The following ZNF670 variants were observed in gnomAD, a reference collection of about 807,000 sequenced individuals.
ZNF670 encodes zinc finger protein 670.
In ZNF670, 7 loss-of-function variants were observed where a neutral mutation model predicts 10.9. That is an observed-to-expected ratio of 0.64 (90% CI 0.36 to 1.20). The LOEUF (loss-of-function observed/expected upper bound fraction) is 1.20, where lower values mean the gene tolerates loss of function less well. Ranked by LOEUF, ZNF670 falls within the 50% of genes most tolerant of loss-of-function variation. ZNF670 has a pLI of 0.02. For missense variants in ZNF670, 446 were observed against 458.6 expected (o/e 0.97, Z 0.25); for synonymous variants, 136 against 152.7 (o/e 0.89, Z 0.81).
Position 247,039,060 on chromosome 1 carries a change from C to CTTTTT in ZNF670, c.131-195_131-191dup, listed in dbSNP as rs3078762. Among the ~76,000 whole-genome samples the CTTTTT allele has an allele frequency of 7.2e-4, 90 of 125,626 alleles. 1 individual carries two copies. Among genetic ancestry groups the CTTTTT allele is most frequent in the Admixed American group, 2.3e-3 (28 of 12,078 alleles). 82.4% of individuals were successfully genotyped at this position (125,626 alleles called of 152,430 possible). On this transcript the variant is annotated intron_variant, in intron 2 of 3. Coordinates refer to ENST00000366503, the MANE Select transcript of ZNF670 (RefSeq NM_033213.5). Reference sequence around the variant, plus strand: ...TTCTTCTTTTCTTTTTTCTTTCTTTCTTTTTTTTTTTTTTTTGAGACAGAT... The same window carrying CTTTTT: ...TTCTTCTTTTCTTTTTTCTTTCTTTCTTTTTTTTTTTTTTTTTTTTTGAGACAGAT...
chr1:247,042,903 A>G, intron 1 of ZNF670: 1 of 665,638 alleles, frequency 1.5e-6, no homozygotes, highest in Non-Finnish European at 2.8e-6. Context: ...GTGATAAAGA[A>G]TTACTCCCAA....
chr1:247,037,746 T>A lies in ZNF670; in HGVS notation c.873A>T (p.Arg291Ser), dbSNP rs760582002. Reference sequence around the variant, plus strand: ...CATGGACTCTGAGGACTCTGGAACATCTAAAGGCTTTGCCACATTTTATAC... The same window carrying A: ...CATGGACTCTGAGGACTCTGGAACAACTAAAGGCTTTGCCACATTTTATAC... ...YECIKCGKAF[R>S]CSRVLRVHER... Residue 291 changes from arginine (R) to serine (S), a missense_variant, in exon 4 of 4, where the codon AGA becomes AGT. By Grantham distance (110) the Arg-to-Ser change is moderately radical. Coordinates refer to ENST00000366503, the MANE Select transcript of ZNF670 (RefSeq NM_033213.5). The A allele has an allele frequency of 5.6e-6, 9 of 1,613,950 alleles. No individual in the cohort carries two copies. The South Asian group carries it at 9.9e-5, about 18-fold the overall frequency.
In ZNF670 at chr1:247,078,767, C is replaced by T. The variant is rs1296026601; in HGVS notation, c.-171G>A. Reference sequence around the variant, plus strand: ...GCGCTGCCCAACACAAAAGCCGCGCCAGGTCCCGGAAGCTGCTCCCTCCTT... The same window carrying T: ...GCGCTGCCCAACACAAAAGCCGCGCTAGGTCCCGGAAGCTGCTCCCTCCTT... On this transcript the variant is annotated 5_prime_UTR_variant, in exon 1 of 4. Transcript: ENST00000366503. 2.6e-5 allele frequency: 18 copies of T among 685,046 alleles called. No homozygotes were observed. Among genetic ancestry groups the T allele is most frequent in the Non-Finnish European group, 2.9e-5 (12 of 410,200 alleles). 42.4% of individuals were successfully genotyped at this position (685,046 alleles called of 1,614,324 possible).
At position 247,049,098 on chromosome 1, in the gene ZNF670, CT is replaced by C. The variant is rs772486522; in HGVS notation, c.4-9562del. Among the ~76,000 whole-genome samples the C allele has an allele frequency of 3.8e-3, 469 of 124,534 alleles. 2 individuals carry two copies. Among genetic ancestry groups the C allele is most frequent in the African/African-American group, 9.6e-3 (303 of 31,614 alleles). The allele number at this position is 124,534 out of a possible 152,430, so 81.7% of individuals were successfully genotyped here. A position where few individuals can be genotyped will look rare whatever the true frequency, so the allele number is the denominator to read the frequency against. ...GTTTGTAATACCTCCTGTTTCATTT[CT>C]TTTTTTTTTTTTTTTTTGAGATGGA... On this transcript the variant is annotated intron_variant, in intron 1 of 3. Transcript: ENST00000366503.
chr1:247,076,357 C>T (rs922059832), intron 1 of ZNF670, among the ~76,000 whole-genome samples: 10 of 151,072 alleles, frequency 6.6e-5, no homozygotes, highest in Admixed American at 4.0e-4. Flanking sequence ...CCTAGGTTCA[C>T]GCCATTCTCC....
intron 1 of ZNF670, among the ~76,000 whole-genome samples, chr1:247,052,777 G>A (rs1670629205): frequency 6.6e-6 from 1 of 152,170 alleles, no homozygotes; most frequent in African/African-American, 2.4e-5. Context: ...AGTAATATAG[G>A]GGGATATCAG....
rs1670155000 is a variant in ZNF670, at chr1:247,036,554, T to C, written c.*895A>G. Reference sequence around the variant, plus strand: ...GCATGTGTCTGTAGCTCCAGCTACATAGGAGGCTAAGGTGGGAGAATCACT... The same window carrying C: ...GCATGTGTCTGTAGCTCCAGCTACACAGGAGGCTAAGGTGGGAGAATCACT... On this transcript the variant is annotated 3_prime_UTR_variant, in exon 4 of 4. Coordinates refer to ENST00000366503, the MANE Select transcript of ZNF670 (RefSeq NM_033213.5). Among the ~76,000 whole-genome samples, 1 of 152,100 alleles carries C rather than the reference T, an allele frequency of 6.6e-6. No homozygotes were observed. The highest frequency in any genetic ancestry group is 1.5e-5 in the Non-Finnish European group (1 of 68,006).
intron 1 of ZNF670, among the ~76,000 whole-genome samples, chr1:247,057,638 T>C (rs1022911839): frequency 6.6e-6 from 1 of 152,184 alleles, no homozygotes; most frequent in Non-Finnish European, 1.5e-5. Context: ...TACAAAATGA[T>C]ATACTATTTA....
chr1:247,038,231 G>T lies in ZNF670; in HGVS notation c.388C>A (p.Leu130Ile). 6.2e-7 allele frequency: 1 copy of T among 1,614,144 alleles called. No homozygotes were observed. Among genetic ancestry groups the T allele is most frequent in the Non-Finnish European group, 8.5e-7 (1 of 1,180,010 alleles). Residue 130 changes from leucine (L) to isoleucine (I), a missense_variant, in exon 4 of 4, where the codon CTA becomes ATA. Leu to Ile is a conservative substitution (Grantham distance 5, BLOSUM62 2). Transcript: ENST00000366503. Reference sequence around the variant, plus strand: ...TCTGGACATTCCTCACACTCAAATAGTTTGTTTCCAATGTGAGACAGGATG... The same window carrying T: ...TCTGGACATTCCTCACACTCAAATATTTTGTTTCCAATGTGAGACAGGATG... ...RHILSHIGNK[L>I]FECEECPEKL...
At chr1:247,076,752 C>T (rs1671264802) in intron 1 of ZNF670, among the ~76,000 whole-genome samples, 1 of 151,982 alleles carries the variant, frequency 6.6e-6, no homozygotes, top group South Asian at 2.1e-4. Context: ...CCTCCACCTC[C>T]TGGCCTCAAG....
At chr1:247,048,694 T>C (rs1333208724) in intron 1 of ZNF670, among the ~76,000 whole-genome samples, 1 of 152,040 alleles carries the variant, frequency 6.6e-6, no homozygotes, top group Non-Finnish European at 1.5e-5. Flanking sequence ...TCCACATGGC[T>C]GGGGAGGCCT....
rs561071703 is a variant in ZNF670 at position 247,039,149 on chromosome 1, C to G, written c.130+262G>C. On this transcript the variant is annotated intron_variant, in intron 2 of 3. Transcript: ENST00000366503. ...TCTCGGCTCACTGCAACCTCCACTT[C>G]CTAGGTTCCAGCAATTAACCTGTCT... Among the ~76,000 whole-genome samples, 19 of 149,410 alleles carry G rather than the reference C, an allele frequency of 1.3e-4. No individual in the cohort carries two copies. In the South Asian group the frequency reaches 4.0e-3, roughly 32 times the overall value.
chr1:247,042,868 CT>C (rs749659840), intron 1 of ZNF670: 15 of 624,550 alleles, frequency 2.4e-5, no homozygotes, highest in Non-Finnish European at 3.3e-5. Context: ...ATTCTCTGTA[CT>C]GTAACTGGCT....
chr1:247,038,282 T>C lies in ZNF670; in HGVS notation c.337A>G (p.Ile113Val), dbSNP rs150882681. The C allele has an allele frequency of 1.4e-4, 227 of 1,614,208 alleles. No individual in the cohort carries two copies. Among genetic ancestry groups the C allele is most frequent in the Non-Finnish European group, 1.7e-4 (196 of 1,180,028 alleles). The change falls in exon 4 of 4, where the codon ATA becomes GTA. Residue 113 changes from isoleucine (I) to valine (V), a missense_variant. Physicochemically the swap from Ile to Val is conservative, Grantham distance 29. Coordinates refer to ENST00000366503, the MANE Select transcript of ZNF670 (RefSeq NM_033213.5). ...CECSVCGKVFICHSALHRHIL... is the reference protein window; with the variant it reads ...CECSVCGKVFVCHSALHRHIL... ...TGCCTATGAAGGGCTGAATGACATA[T>C]GAAGACTTTTCCACACACACTGCAT... is the stretch of plus-strand genomic sequence containing the variant.
At chr1:247,072,839 T>TATAC (rs1491560605) in intron 1 of ZNF670, among the ~76,000 whole-genome samples, 5 of 68,556 alleles carry the variant, frequency 7.3e-5, no homozygotes, top group African/African-American at 5.4e-4. Flanking sequence ...TATATATATA[T>TATAC]GCATACACAC....
chr1:247,076,572 T>G (rs1671259674), intron 1 of ZNF670, among the ~76,000 whole-genome samples: 1 of 152,080 alleles, frequency 6.6e-6, no homozygotes, highest in South Asian at 2.1e-4. Context: ...CCTGAATTTC[T>G]AAGCCCTTTT....
intron 3 of ZNF670, 67 bp downstream of exon 3, chr1:247,038,743 T>C: frequency 7.1e-7 from 1 of 1,415,608 alleles, no homozygotes; most frequent in Non-Finnish European, 9.8e-7. Context: ...GTTTTGTCTG[T>C]TTTAAAAACT....
chr1:247,072,802 G>GTATATATATA (rs1671157451), intron 1 of ZNF670, among the ~76,000 whole-genome samples: 1 of 21,782 alleles, frequency 4.6e-5, no homozygotes, highest in African/African-American at 1.7e-4. Flanking sequence ...AAAAAAGTGT[G>GTATATATATA]TGTATATATA....
At chr1:247,078,284 A>ACTC (rs1671299629) in intron 1 of ZNF670, among the ~76,000 whole-genome samples, 1 of 152,214 alleles carries the variant, frequency 6.6e-6, no homozygotes, top group Non-Finnish European at 1.5e-5. Context: ...CCCACGCAGG[A>ACTC]ACCCCGAACC....
Sources: allele counts gnomAD v4.1 joint callset (sites outside exome capture counted in the v4.1 genomes callset), GRCh38; gene constraint gnomAD v4.1.1; transcripts MANE v1.5; gene names NCBI Gene and HGNC (gene_info 2026-07-23, HGNC 2026-07-21).